ZBTB20: variants seen among roughly 807,000 people sequenced by gnomAD.
The protein encoded by ZBTB20 is zinc finger and BTB domain-containing protein 20.
Under a neutral mutation model 56.9 loss-of-function variants are expected in ZBTB20, and 9 were observed. The observed-to-expected ratio is 0.16, with a 90% CI of 0.10 to 0.28. The LOEUF is 0.28. Ranked by LOEUF, ZBTB20 falls within the 10% of genes least tolerant of loss-of-function variation. The pLI is 1.00. For missense variants in ZBTB20, 655 were observed against 1,003.0 expected (o/e 0.65, Z 4.69); for synonymous variants, 417 against 420.7 (o/e 0.99, Z 0.11).
intron 5 of ZBTB20, among the ~76,000 whole-genome samples, chr3:114,706,173 T>C (rs1460866352): frequency 6.6e-6 from 1 of 152,154 alleles, no homozygotes; most frequent in Non-Finnish European, 1.5e-5. Context: ...ATCACTTAAA[T>C]GATTCTGAAA....
At chr3:114,690,419 A>T (rs1014990312) in intron 6 of ZBTB20, among the ~76,000 whole-genome samples, 1 of 152,144 alleles carries the variant, frequency 6.6e-6, no homozygotes, top group African/African-American at 2.4e-5. Flanking sequence ...ACACATCACT[A>T]CTGAATAGTC....
chr3:114,594,822 T>A (rs13067483), intron 6 of ZBTB20, among the ~76,000 whole-genome samples: 14,661 of 152,180 alleles, frequency 0.096, 940 homozygotes, highest in Non-Finnish European at 0.14. Context: ...AAAATTATGG[T>A]TAATGCTGTG....
At chr3:114,438,746 G>C (rs963175818) in intron 7 of ZBTB20, among the ~76,000 whole-genome samples, 4 of 152,272 alleles carry the variant, frequency 2.6e-5, no homozygotes, top group Non-Finnish European at 5.9e-5. Context: ...AATAAAAAAA[G>C]TAGGGCTCCT....
In ZBTB20 at chr3:114,911,960, CATATT is replaced by C. The variant is rs376897182; in HGVS notation, c.-455-11623_-455-11619del. Among the ~76,000 whole-genome samples the C allele has an allele frequency of 2.6e-3, 389 of 151,682 alleles. 1 individual carries two copies. Among genetic ancestry groups the C allele is most frequent in the African/African-American group, 9.0e-3 (373 of 41,394 alleles). On this transcript the variant is annotated intron_variant, in intron 3 of 11. Coordinates refer to ENST00000675478, the MANE Select transcript of ZBTB20 (RefSeq NM_001348800.3). ...GATCCCAAACAGGAATGCTCTAAGA[CATATT>C]ATAACCAAATTGTCAAAAGTGAAAG...
At chr3:114,992,280 T>C (rs989608359) in intron 2 of ZBTB20, among the ~76,000 whole-genome samples, 4 of 152,020 alleles carry the variant, frequency 2.6e-5, no homozygotes, top group African/African-American at 9.7e-5. Flanking sequence ...GTGCTAAATA[T>C]ATTAATCATA....
chr3:114,724,332 C>A (rs2065123303), intron 5 of ZBTB20, among the ~76,000 whole-genome samples: 1 of 152,124 alleles, frequency 6.6e-6, no homozygotes, highest in Admixed American at 6.5e-5. Context: ...TAGCTACCAA[C>A]CATATAATTT....
intron 10 of ZBTB20, chr3:114,375,784 C>A (rs1344718300): frequency 6.6e-6 from 1 of 152,146 alleles, no homozygotes; most frequent in Admixed American, 6.5e-5. Flanking sequence ...ATTTTGTTTT[C>A]CCCCTACAGC....
chr3:114,964,044 C>T (rs1441343061), intron 3 of ZBTB20, among the ~76,000 whole-genome samples: 1 of 152,086 alleles, frequency 6.6e-6, no homozygotes, highest in Admixed American at 6.6e-5. Context: ...ATACTTTGAG[C>T]TAAGCACAAA....
At chr3:114,518,897 A>G (rs1404975502) in intron 6 of ZBTB20, 1 of 152,216 alleles carries the variant, frequency 6.6e-6, no homozygotes, top group Non-Finnish European at 1.5e-5. Context: ...ACGCTGCTAA[A>G]CATCTTACAG....
At chr3:114,376,448 T>C (rs529837180) in intron 10 of ZBTB20, among the ~76,000 whole-genome samples, 45 of 152,302 alleles carry the variant, frequency 3.0e-4, no homozygotes, top group African/African-American at 8.9e-4. Context: ...GCCATAAAAA[T>C]CTTCTGTTTT....
chr3:114,617,279 GT>G (rs1383606499), intron 6 of ZBTB20, among the ~76,000 whole-genome samples: 5 of 152,156 alleles, frequency 3.3e-5, no homozygotes, highest in Non-Finnish European at 7.4e-5. Flanking sequence ...CTACACATAA[GT>G]GATAGTGTTC....
intron 6 of ZBTB20, among the ~76,000 whole-genome samples, chr3:114,589,100 G>A (rs1468201471): frequency 1.3e-5 from 2 of 152,076 alleles, no homozygotes; most frequent in Non-Finnish European, 2.9e-5. Flanking sequence ...TCCCTCCCAC[G>A]ACACATGAAG....
intron 1 of ZBTB20, among the ~76,000 whole-genome samples, chr3:115,129,620 A>T (rs2084442595): frequency 6.6e-6 from 1 of 152,242 alleles, no homozygotes; most frequent in African/African-American, 2.4e-5. Context: ...ATAATTTCCA[A>T]TGAAATATAA....
chr3:114,384,104 C>CAA (rs2084749109), intron 8 of ZBTB20, among the ~76,000 whole-genome samples: 1 of 135,730 alleles, frequency 7.4e-6, no homozygotes, highest in African/African-American at 2.6e-5. Context: ...TTCTCATTCT[C>CAA]TCTCTCTCTC....
chr3:114,929,236 GA>G (rs2076268653), intron 3 of ZBTB20, among the ~76,000 whole-genome samples: 1 of 152,190 alleles, frequency 6.6e-6, no homozygotes. Context: ...ATCCAGGGAA[GA>G]AAAGACTACT....
chr3:114,854,612 T>G (rs1378662080), intron 4 of ZBTB20, among the ~76,000 whole-genome samples: 1 of 152,238 alleles, frequency 6.6e-6, no homozygotes, highest in Non-Finnish European at 1.5e-5. Flanking sequence ...GTTTGAATCC[T>G]GACTGTGTTT....
chr3:114,613,936 G>C (rs906277119), intron 6 of ZBTB20, among the ~76,000 whole-genome samples: 1 of 152,042 alleles, frequency 6.6e-6, no homozygotes, highest in African/African-American at 2.4e-5. Flanking sequence ...ACATTTATTA[G>C]ATTACTTACT....
chr3:114,561,942 A>T (rs1392799878), intron 6 of ZBTB20, among the ~76,000 whole-genome samples: 1 of 152,108 alleles, frequency 6.6e-6, no homozygotes, highest in Admixed American at 6.6e-5. Flanking sequence ...CACCCTCATC[A>T]ATTATCTTAG....
chr3:114,502,170 T>A (rs1340225790), intron 6 of ZBTB20, among the ~76,000 whole-genome samples: 1 of 152,174 alleles, frequency 6.6e-6, no homozygotes. Flanking sequence ...TGATTCAATC[T>A]TGCCTCTCTG....
Sources: gnomAD v4.1 joint callset for allele counts (sites outside exome capture counted in the v4.1 genomes callset) on GRCh38, gnomAD v4.1.1 for gene constraint, MANE v1.5 for transcripts, NCBI Gene and HGNC (gene_info 2026-07-23, HGNC 2026-07-21) for gene names.